CCDC180: variants seen among roughly 807,000 people sequenced by gnomAD.
CCDC180 encodes coiled-coil domain-containing protein 180.
Under a neutral mutation model 209.2 loss-of-function variants are expected in CCDC180, and 154 were observed. The ratio of observed to expected loss-of-function variants is 0.74; its 90% CI spans 0.65 to 0.84. The LOEUF is 0.84. Ranked by LOEUF, CCDC180 falls within the 40% of genes least tolerant of loss-of-function variation. CCDC180 has a pLI of 0.00. For missense variants in CCDC180, 1,874 were observed against 1,997.3 expected, an observed-to-expected ratio of 0.94 and a Z score of 1.18; for synonymous variants, 778 against 749.1, an observed-to-expected ratio of 1.04 and a Z score of -0.63.
Position 97,343,501 on chromosome 9 carries a change from C to T in CCDC180, c.2436C>T (p.Ser812=), listed in dbSNP as rs1826152459. Residue 812 remains serine (S), a synonymous_variant, in exon 19 of 37, where the codon TCC becomes TCT. Transcript: ENST00000529487. The part of the protein sequence containing the change: ...TFSAMFINDT[S]SAKFIEQVTI... ...CAGCCATGTTCATCAACGACACTTC[C>T]AGTGCCAAGTTCATAGAACAAGTGA... 3 of 1,613,986 alleles carry T rather than the reference C, an allele frequency of 1.9e-6. No individual in the cohort carries two copies. Among genetic ancestry groups the T allele is most frequent in the East Asian group, 2.2e-5 (1 of 44,882 alleles).
intron 19 of CCDC180, among the ~76,000 whole-genome samples, chr9:97,345,968 G>A (rs369304981): frequency 3.9e-5 from 6 of 152,094 alleles, no homozygotes; most frequent in Admixed American, 1.3e-4. Flanking sequence ...GATGTTCTCC[G>A]AAGTTATATA....
At position 97,326,529 on chromosome 9, in the gene CCDC180, C is replaced by T. The variant is rs1289696265; in HGVS notation, c.1546-25C>T. 6.4e-6 allele frequency: 9 copies of T among 1,406,978 alleles called. No homozygotes were observed. In the East Asian group the frequency reaches 1.4e-4, roughly 21 times the overall value. The allele number at this position is 1,406,978 out of a possible 1,614,324, so 87.2% of individuals were successfully genotyped here. A position where few individuals can be genotyped will look rare whatever the true frequency, so the allele number is the denominator to read the frequency against. On this transcript the variant is annotated intron_variant, in intron 14 of 36. Transcript: ENST00000529487. Reference sequence around the variant, plus strand: ...GAGCACTGGAGGTCACATCTGCTTCCTCTTGTTTTGGGGGTGGCTTCCAGG... The same window carrying T: ...GAGCACTGGAGGTCACATCTGCTTCTTCTTGTTTTGGGGGTGGCTTCCAGG...
intron 2 of CCDC180, among the ~76,000 whole-genome samples, chr9:97,308,726 A>G (rs1482613547): frequency 6.6e-6 from 1 of 152,260 alleles, no homozygotes; most frequent in East Asian, 1.9e-4. Context: ...TGTACTGCTT[A>G]TTTAAAAGGG....
chr9:97,352,114 AAAC>A lies in CCDC180; in HGVS notation c.3002+1589_3002+1591del, dbSNP rs3052473. Among the ~76,000 whole-genome samples, 656 of 150,502 alleles carry A rather than the reference AAAC, an allele frequency of 4.4e-3. 3 individuals carry two copies. The highest frequency in any genetic ancestry group is 0.011 in the African/African-American group (450 of 40,784). ...GGAGACAGAGTGAGATTCCATCTCA[AAAC>A]AACAACAACAACAACAACAACAACA... On this transcript the variant is annotated intron_variant, in intron 22 of 36. Coordinates refer to ENST00000529487, the MANE Select transcript of CCDC180 (RefSeq NM_020893.6).
chr9:97,362,966 A>G (rs1181917117), intron 28 of CCDC180, among the ~76,000 whole-genome samples: 1 of 152,236 alleles, frequency 6.6e-6, no homozygotes, highest in Non-Finnish European at 1.5e-5. Context: ...CAATGGGGAA[A>G]GAAACAAAGA....
intron 13 of CCDC180, 55 bp from the exon 14 acceptor site, chr9:97,324,963 TC>T: frequency 1.9e-6 from 3 of 1,548,774 alleles, no homozygotes; most frequent in Admixed American, 3.6e-5. Flanking sequence ...TGGGCCCTCT[TC>T]TTGGCCCTGG....
intron 20 of CCDC180, 41 bp from the exon 21 acceptor site, chr9:97,349,070 A>T: frequency 6.6e-7 from 1 of 1,518,002 alleles, no homozygotes; most frequent in South Asian, 1.2e-5. Flanking sequence ...GCTGAGGTGA[A>T]TCGGGTCCCC....
chr9:97,360,833 A>G (rs1587828793), intron 26 of CCDC180, among the ~76,000 whole-genome samples: 1 of 151,632 alleles, frequency 6.6e-6, no homozygotes, highest in Non-Finnish European at 1.5e-5. Flanking sequence ...CATCACCCCC[A>G]CCCCTGCCCA....
intron 19 of CCDC180, among the ~76,000 whole-genome samples, chr9:97,344,790 G>A (rs1826199433): frequency 6.6e-6 from 1 of 152,192 alleles, no homozygotes; most frequent in South Asian, 2.1e-4. Context: ...AAAATCATAA[G>A]TGTATAGCTC....
chr9:97,308,847 T>C (rs2118502050), intron 2 of CCDC180, among the ~76,000 whole-genome samples: 1 of 152,376 alleles, frequency 6.6e-6, no homozygotes, highest in South Asian at 2.1e-4. Flanking sequence ...TCCTGCTCTC[T>C]CTAAGGCCAT....
At chr9:97,310,418 G>A (rs922021697) in intron 3 of CCDC180, among the ~76,000 whole-genome samples, 2 of 23,736 alleles carry the variant, frequency 8.4e-5, no homozygotes, top group African/African-American at 7.9e-4. Flanking sequence ...AGAGCAGGCG[G>A]GGGTCAGGCA....
intron 3 of CCDC180, among the ~76,000 whole-genome samples, chr9:97,310,623 G>GTTCTACACAAGCCATAAA (rs1202764828): frequency 1.3e-5 from 2 of 152,050 alleles, no homozygotes; most frequent in Non-Finnish European, 2.9e-5. Context: ...CCCTTGCTGG[G>GTTCTACACAAGCCATAAA]CCTGGGACTC....
chr9:97,317,125 A>T lies in CCDC180; in HGVS notation c.856A>T (p.Met286Leu), dbSNP rs1043190335. 5 of 1,613,446 alleles carry T rather than the reference A, an allele frequency of 3.1e-6. No homozygotes were observed. The highest frequency in any genetic ancestry group is 2.5e-6 in the Non-Finnish European group (3 of 1,179,880). Residue 286 changes from methionine (M) to leucine (L), a missense_variant, in exon 9 of 37, where the codon ATG becomes TTG. By Grantham distance (15) the Met-to-Leu change is conservative. Coordinates refer to ENST00000529487, the MANE Select transcript of CCDC180 (RefSeq NM_020893.6). ...TCTCGCCCAGCTGTTTGTCAACCTGATGGAGTCCACCCTGCAGCAGGAGCT... is the reference window on the plus strand; with the variant it reads ...TCTCGCCCAGCTGTTTGTCAACCTGTTGGAGTCCACCCTGCAGCAGGAGCT... Reference protein sequence around the residue: ...KALAQLFVNLMESTLQQELDS... With the variant: ...KALAQLFVNLLESTLQQELDS...
intron 36 of CCDC180, 77 bp downstream of exon 36, chr9:97,375,666 C>T: frequency 6.4e-7 from 1 of 1,565,528 alleles, no homozygotes; most frequent in South Asian, 1.1e-5. Flanking sequence ...AGCTTCCCAT[C>T]ACCCGGCACC....
intron 20 of CCDC180, 151 bp from the exon 21 acceptor site, chr9:97,348,960 G>T: frequency 1.5e-6 from 1 of 684,710 alleles, no homozygotes; most frequent in Non-Finnish European, 2.3e-6. Flanking sequence ...CCCTGATGAA[G>T]GCAACAGGGG....
chr9:97,354,824 C>G (rs1826527779), intron 23 of CCDC180, 68 bp from the exon 24 acceptor site: 1 of 1,560,044 alleles, frequency 6.4e-7, no homozygotes, highest in Admixed American at 1.7e-5. Context: ...GGCCTGTCCC[C>G]CTCCTCCTTC....
intron 36 of CCDC180, 75 bp downstream of exon 36, chr9:97,375,664 A>G: frequency 6.3e-7 from 1 of 1,587,380 alleles, no homozygotes; most frequent in Non-Finnish European, 8.6e-7. Context: ...GGAGCTTCCC[A>G]TCACCCGGCA....
intron 5 of CCDC180, 119 bp from the exon 6 acceptor site, chr9:97,314,274 A>T (rs1833083388): frequency 4.1e-6 from 5 of 1,231,196 alleles, no homozygotes; most frequent in Non-Finnish European, 5.8e-6. Context: ...CGTTAGGTCT[A>T]GGCAATGATC....
At chr9:97,374,254 G>T in intron 34 of CCDC180, 1 of 382,460 alleles carries the variant, frequency 2.6e-6, no homozygotes. Flanking sequence ...CATATCCGGG[G>T]ACTCATGGAA....
Sources: allele counts gnomAD v4.1 joint callset (sites outside exome capture counted in the v4.1 genomes callset), GRCh38; gene constraint gnomAD v4.1.1; transcripts MANE v1.5; gene names NCBI Gene and HGNC (gene_info 2026-07-23, HGNC 2026-07-21).